The following TAFA2 variants were observed in gnomAD, a reference collection of about 807,000 sequenced individuals.
TAFA2 encodes chemokine-like protein TAFA-2.
TAFA2 carries 7 observed loss-of-function variants against 18.8 expected under a neutral mutation model. The ratio of observed to expected loss-of-function variants is 0.37; its 90% confidence interval spans 0.21 to 0.70. The LOEUF (loss-of-function observed/expected upper bound fraction) is 0.70, where lower values mean the gene tolerates loss of function less well. Among genes scored for constraint, TAFA2 ranks in the 30% least tolerant of loss-of-function variants. TAFA2 has a pLI of 0.53. For synonymous variants in TAFA2, 60 were observed against 54.2 expected, an observed-to-expected ratio of 1.11 and a Z score of -0.47; for missense variants, 122 against 158.1, an observed-to-expected ratio of 0.77 and a Z score of 1.23.
At chr12:61,809,018 T>A (rs1045735551) in intron 2 of TAFA2, among the ~76,000 whole-genome samples, 10 of 151,336 alleles carry the variant, frequency 6.6e-5, no homozygotes, top group Non-Finnish European at 1.5e-4. Context: ...AGAAATAGAC[T>A]TTTTTTTCTA....
intron 1 of TAFA2, among the ~76,000 whole-genome samples, chr12:62,157,215 T>C (rs1295920478): frequency 6.6e-6 from 1 of 152,166 alleles, no homozygotes; most frequent in Non-Finnish European, 1.5e-5. Context: ...GTTTTTTTCT[T>C]TCAAGAAGCC....
At chr12:62,063,134 T>C (rs1446024412) in intron 1 of TAFA2, among the ~76,000 whole-genome samples, 1 of 152,148 alleles carries the variant, frequency 6.6e-6, no homozygotes, top group Non-Finnish European at 1.5e-5. Context: ...TATTAGGACA[T>C]GGACATATTT....
chr12:62,167,289 T>C (rs941309416), intron 1 of TAFA2, among the ~76,000 whole-genome samples: 2 of 152,112 alleles, frequency 1.3e-5, no homozygotes, highest in Non-Finnish European at 2.9e-5. Flanking sequence ...ATATCTTACA[T>C]AATAAAAAAT....
At chr12:62,156,162 G>A (rs545739659) in intron 1 of TAFA2, among the ~76,000 whole-genome samples, 1 of 152,284 alleles carries the variant, frequency 6.6e-6, no homozygotes, top group African/African-American at 2.4e-5. Flanking sequence ...CTCAAAAGAA[G>A]ATATACAAAT....
At chr12:61,791,070 T>A (rs1362569746) in intron 2 of TAFA2, among the ~76,000 whole-genome samples, 1 of 151,698 alleles carries the variant, frequency 6.6e-6, no homozygotes, top group African/African-American at 2.4e-5. Flanking sequence ...TCAGCACTGA[T>A]TTTCGACAAC....
At chr12:61,795,960 A>C (rs149803142) in intron 2 of TAFA2, among the ~76,000 whole-genome samples, 268 of 152,204 alleles carry the variant, frequency 1.8e-3, no homozygotes, top group African/African-American at 5.7e-3. Context: ...AATTAAAAAC[A>C]CTTACTACAC....
intron 1 of TAFA2, among the ~76,000 whole-genome samples, chr12:62,131,317 T>G (rs921394373): frequency 6.6e-6 from 1 of 152,042 alleles, no homozygotes; most frequent in Non-Finnish European, 1.5e-5. Context: ...ACATTTGCAA[T>G]TTCTCTACGC....
At chr12:62,243,897 C>T (rs1171774287) in intron 1 of TAFA2, among the ~76,000 whole-genome samples, 1 of 152,162 alleles carries the variant, frequency 6.6e-6, no homozygotes, top group Non-Finnish European at 1.5e-5. Flanking sequence ...CCTGCCTTAG[C>T]CTCTCAAGTA....
intron 1 of TAFA2, among the ~76,000 whole-genome samples, chr12:61,941,179 C>T (rs1168907183): frequency 2.0e-5 from 3 of 151,924 alleles, no homozygotes; most frequent in African/African-American, 7.3e-5. Context: ...AAACAGCACA[C>T]CAAATTTTGA....
At chr12:62,094,696 A>T (rs558684499) in intron 1 of TAFA2, among the ~76,000 whole-genome samples, 129 of 152,120 alleles carry the variant, frequency 8.5e-4, no homozygotes, top group African/African-American at 3.0e-3. Flanking sequence ...CATTCATTCC[A>T]TCTTTATAAG....
chr12:62,088,928 GCA>G (rs1395898431), intron 1 of TAFA2, among the ~76,000 whole-genome samples: 2 of 149,338 alleles, frequency 1.3e-5, no homozygotes, highest in Admixed American at 6.8e-5. Flanking sequence ...GTGTGTGTGT[GCA>G]CGCGCGCGCA....
At chr12:61,761,227 G>T (rs1026261407) in intron 2 of TAFA2, among the ~76,000 whole-genome samples, 2 of 152,010 alleles carry the variant, frequency 1.3e-5, no homozygotes, top group Admixed American at 1.3e-4. Flanking sequence ...GCTTCAAGCT[G>T]CTTTTTTGAT....
At chr12:61,913,954 T>C (rs1876713404) in intron 1 of TAFA2, among the ~76,000 whole-genome samples, 2 of 152,176 alleles carry the variant, frequency 1.3e-5, no homozygotes, top group Non-Finnish European at 2.9e-5. Context: ...CAGTTGAATA[T>C]GAATTTTTGG....
At chr12:61,889,039 T>C (rs1452668078) in intron 1 of TAFA2, among the ~76,000 whole-genome samples, 1 of 152,180 alleles carries the variant, frequency 6.6e-6, no homozygotes, top group Non-Finnish European at 1.5e-5. Flanking sequence ...ACTATCTGAG[T>C]GAGCTTAGGA....
intron 1 of TAFA2, among the ~76,000 whole-genome samples, chr12:62,014,829 C>T (rs946417898): frequency 6.6e-6 from 1 of 152,066 alleles, no homozygotes; most frequent in African/African-American, 2.4e-5. Context: ...GATTTGGAAA[C>T]CACCCTGCAA....
At chr12:61,790,549 CA>C (rs1354475768) in intron 2 of TAFA2, among the ~76,000 whole-genome samples, 1 of 151,682 alleles carries the variant, frequency 6.6e-6, no homozygotes, top group Non-Finnish European at 1.5e-5. Flanking sequence ...AGCTAAAAAT[CA>C]GTAGTGTTTT....
At chr12:61,943,400 G>A (rs1239224817) in intron 1 of TAFA2, among the ~76,000 whole-genome samples, 274 of 150,556 alleles carry the variant, frequency 1.8e-3, no homozygotes, top group African/African-American at 6.4e-3. Context: ...ATCAACTAAC[G>A]AGCAAAATCA....
At chr12:61,981,169 C>T (rs1413469870) in intron 1 of TAFA2, among the ~76,000 whole-genome samples, 1 of 152,152 alleles carries the variant, frequency 6.6e-6, no homozygotes, top group African/African-American at 2.4e-5. Flanking sequence ...CTACAACCAT[C>T]TGATCTTTGA....
At chr12:62,224,125 G>A (rs551140934) in intron 1 of TAFA2, among the ~76,000 whole-genome samples, 4 of 140,480 alleles carry the variant, frequency 2.8e-5, no homozygotes, top group Admixed American at 2.1e-4. Flanking sequence ...ACACACAATG[G>A]AATATTATTC....
Sources: gnomAD v4.1 joint callset for allele counts (sites outside exome capture counted in the v4.1 genomes callset) on GRCh38, gnomAD v4.1.1 for gene constraint, MANE v1.5 for transcripts, NCBI Gene and HGNC (gene_info 2026-07-23, HGNC 2026-07-21) for gene names.